The following SERF2 variants were observed in gnomAD, a reference collection of about 807,000 sequenced individuals.
The protein encoded by SERF2 is small EDRK-rich factor 2.
In SERF2, 4 loss-of-function variants were observed where a neutral mutation model predicts 10.7. The observed-to-expected ratio is 0.37, with a 90% CI of 0.18 to 0.86. The LOEUF (loss-of-function observed/expected upper bound fraction) is 0.86, where lower values mean the gene tolerates loss of function less well. Ranked by LOEUF, SERF2 falls within the 40% of genes least tolerant of loss-of-function variation. The pLI is 0.43. For missense variants in SERF2, 47 were observed against 79.1 expected, an observed-to-expected ratio of 0.59 and a Z score of 1.54; for synonymous variants, 26 against 26.0, an observed-to-expected ratio of 1.00 and a Z score of 0.01.
rs1449095481 is a variant in SERF2 at position 43,795,556 on chromosome 15, T to G, written c.*1783T>G. ...ACCCCTTTGCCCTGGAGAGAGGAAATGGCTGCTGGGAGCAGAGCTGCTGAA... is the reference window on the plus strand; with the variant it reads ...ACCCCTTTGCCCTGGAGAGAGGAAAGGGCTGCTGGGAGCAGAGCTGCTGAA... On this transcript the variant is annotated 3_prime_UTR_variant, in exon 3 of 3. Transcript: ENST00000249786. 6.2e-7 allele frequency: 1 copy of G among 1,613,990 alleles called. No homozygotes were observed. Among genetic ancestry groups the G allele is most frequent in the African/African-American group, 1.3e-5 (1 of 74,994 alleles).
In SERF2 at chr15:43,795,086, GCCAACAGAGTGGTGCCAGTAACAGC is replaced by G. The variant is rs1405682150; in HGVS notation, c.*1316_*1340del. On this transcript the variant is annotated 3_prime_UTR_variant, in exon 3 of 3. Transcript: ENST00000249786. The stretch of plus-strand genomic sequence containing the variant: ...AGGGGCTGGGGTTTCTGGGTGGGGG[GCCAACAGAGTGGTGCCAGTAACAGC>G]CCCAGATAGAGGAGTACGCAGGCCC... 3 of 1,613,518 alleles carry G rather than the reference GCCAACAGAGTGGTGCCAGTAACAGC, an allele frequency of 1.9e-6. No homozygotes were observed. The highest frequency in any genetic ancestry group is 2.5e-6 in the Non-Finnish European group (3 of 1,179,938).
In SERF2 at chr15:43,795,676, C is replaced by G. The variant is rs2087197148; in HGVS notation, c.*1903C>G. ...ATCTACCACTTCTTATGGTTCCTCA[C>G]TTGGCACTCACCTTTGTCTGCCTCC... On this transcript the variant is annotated 3_prime_UTR_variant, in exon 3 of 3. Transcript: ENST00000249786. 1.2e-6 allele frequency: 2 copies of G among 1,613,776 alleles called. No individual in the cohort carries two copies. Among genetic ancestry groups the G allele is most frequent in the Admixed American group, 1.7e-5 (1 of 59,982 alleles).
chr15:43,777,765 C>A (rs1450835555), intron 1 of SERF2, among the ~76,000 whole-genome samples: 1 of 152,104 alleles, frequency 6.6e-6, no homozygotes, highest in East Asian at 1.9e-4. Context: ...GAGACCCCAG[C>A]ACCAACCTCT....
At chr15:43,789,194 C>A (rs570502364), upstream of SERF2, among the ~76,000 whole-genome samples, 56 of 151,386 alleles carry the variant, frequency 3.7e-4, no homozygotes, top group South Asian at 0.011. Context: ...CAAATAAAAA[C>A]CCACCTGATG....
Position 43,792,970 on chromosome 15 carries a change from C to G in SERF2, c.8-5C>G. The G allele has an allele frequency of 6.3e-7, 1 of 1,599,410 alleles. No homozygotes were observed. The highest frequency in any genetic ancestry group is 8.5e-7 in the Non-Finnish European group (1 of 1,170,314). On this transcript the variant is annotated splice_region_variant and splice_polypyrimidine_tract_variant and intron_variant, in intron 1 of 2. Transcript: ENST00000249786. ...CGCGTCTCACCTTTAATTTTCTTTC[C>G]TTAGGCGGTAACCAGCGTGAGCTCG...
intron 1 of SERF2, 104 bp downstream of exon 1, chr15:43,792,487 T>A (rs755785700): frequency 1.1e-5 from 17 of 1,597,876 alleles, no homozygotes; most frequent in Non-Finnish European, 1.5e-5. Context: ...TAGCAAGGCG[T>A]TTCTCTGGGC....
chr15:43,781,347 G>T (rs2086962290), intron 1 of SERF2, among the ~76,000 whole-genome samples: 1 of 152,094 alleles, frequency 6.6e-6, no homozygotes, highest in African/African-American at 2.4e-5. Context: ...TTGAGGTCAG[G>T]AGTTCGAGAC....
chr15:43,789,693 T>G (rs2087036887), upstream of SERF2, among the ~76,000 whole-genome samples: 1 of 152,158 alleles, frequency 6.6e-6, no homozygotes, highest in South Asian at 2.1e-4. Flanking sequence ...TATTTTCCTT[T>G]AAAGCTATTA....
intron 1 of SERF2, among the ~76,000 whole-genome samples, chr15:43,784,001 T>C (rs1306430179): frequency 7.5e-6 from 1 of 134,084 alleles, no homozygotes; most frequent in Admixed American, 8.9e-5. Context: ...GCCAGGCTGG[T>C]CTCAAACTCC....
exon 1 of SERF2, chr15:43,777,115 C>G: frequency 1.3e-6 from 1 of 770,298 alleles, no homozygotes; most frequent in South Asian, 1.5e-5. Flanking sequence ...ACCGCCCGGA[C>G]CTCGGCGCTT....
In SERF2 at chr15:43,795,801, T is replaced by A; in HGVS notation, c.*2028T>A. Reference sequence around the variant, plus strand: ...ATGTGAGGGTGTTAATCTAGGAAACTTCCCCCGTGAAAAGATTGGTCTAGT... The same window carrying A: ...ATGTGAGGGTGTTAATCTAGGAAACATCCCCCGTGAAAAGATTGGTCTAGT... On this transcript the variant is annotated 3_prime_UTR_variant, in exon 3 of 3. Transcript: ENST00000249786. 1.3e-6 allele frequency: 2 copies of A among 1,536,208 alleles called. No individual in the cohort carries two copies. The highest frequency in any genetic ancestry group is 8.9e-7 in the Non-Finnish European group (1 of 1,124,308).
At chr15:43,789,541 A>C (rs1420637515), upstream of SERF2, among the ~76,000 whole-genome samples, 1 of 152,218 alleles carries the variant, frequency 6.6e-6, no homozygotes, top group Non-Finnish European at 1.5e-5. Flanking sequence ...TAGCACCAGC[A>C]GTACTATTTA....
chr15:43,793,125 G>A (rs761394120), intron 2 of SERF2, 42 bp downstream of exon 2: 18 of 1,315,890 alleles, frequency 1.4e-5, no homozygotes, highest in Non-Finnish European at 1.9e-5. Flanking sequence ...TGGAGACCTG[G>A]GTTAGACCAA....
upstream of SERF2, chr15:43,792,257 G>A: frequency 1.1e-6 from 1 of 881,132 alleles, no homozygotes; most frequent in Non-Finnish European, 1.9e-6. Flanking sequence ...CCGGCTCCCG[G>A]GCGCGAAGGG....
chr15:43,784,075 A>G (rs1596033458), intron 1 of SERF2, among the ~76,000 whole-genome samples: 1 of 151,060 alleles, frequency 6.6e-6, no homozygotes, highest in East Asian at 2.0e-4. Flanking sequence ...CAGCCACCGC[A>G]CCTGGCCACA....
At chr15:43,777,297 T>C in exon 1 of SERF2, 1 of 384,136 alleles carries the variant, frequency 2.6e-6, no homozygotes, top group South Asian at 1.9e-5. Context: ...AAGCTGAACC[T>C]GCAACCCCTT....
chr15:43,783,007 G>C (rs996507663), intron 1 of SERF2, among the ~76,000 whole-genome samples: 68 of 116,502 alleles, frequency 5.8e-4, no homozygotes, highest in African/African-American at 2.3e-3. Context: ...ACCACACCTG[G>C]CTTTTTTTTT....
At chr15:43,788,626 G>T (rs1596036187), upstream of SERF2, among the ~76,000 whole-genome samples, 1 of 152,164 alleles carries the variant, frequency 6.6e-6, no homozygotes, top group South Asian at 2.1e-4. Flanking sequence ...CTCCTGACTG[G>T]TCTCCTCATT....
rs554027040 is a variant in SERF2, at chr15:43,794,912, C to G, written c.*1139C>G. ...CAAACGGAGATAACTCCCTGTGTGTCCTTGAGGTATTGAGCTGGGCTGGAC... is the reference window on the plus strand; with the variant it reads ...CAAACGGAGATAACTCCCTGTGTGTGCTTGAGGTATTGAGCTGGGCTGGAC... On this transcript the variant is annotated 3_prime_UTR_variant, in exon 3 of 3. Transcript: ENST00000249786. 1 of 990,236 alleles carries G rather than the reference C, an allele frequency of 1.0e-6. No homozygotes were observed. The highest frequency in any genetic ancestry group is 1.5e-6 in the Non-Finnish European group (1 of 660,670). 61.3% of individuals were successfully genotyped at this position (990,236 alleles called of 1,614,324 possible). A position where few individuals can be genotyped will look rare whatever the true frequency, so the allele number is the denominator to read the frequency against.
Sources: allele counts gnomAD v4.1 joint callset (sites outside exome capture counted in the v4.1 genomes callset), GRCh38; gene constraint gnomAD v4.1.1; transcripts MANE v1.5; gene names NCBI Gene and HGNC (gene_info 2026-07-23, HGNC 2026-07-21).